Variants in LAMP3 observed in about 807,000 individuals in gnomAD.
LAMP3 encodes the protein lysosome-associated membrane glycoprotein 3.
LAMP3 carries 26 observed loss-of-function variants against 34.8 expected under a neutral mutation model. The ratio of observed to expected loss-of-function variants is 0.75; its 90% CI spans 0.55 to 1.04. LAMP3 has a LOEUF of 1.04. Ranked by LOEUF, LAMP3 falls within the 50% of genes least tolerant of loss-of-function variation. The pLI, the probability that LAMP3 is intolerant of heterozygous loss-of-function variation, is 0.00. For missense variants in LAMP3, 495 were observed against 524.0 expected (o/e 0.94, Z 0.54); for synonymous variants, 180 against 201.9 (o/e 0.89, Z 0.92).
chr3:183,160,854 T>TA (rs1720955665), intron 1 of LAMP3: 1 of 152,232 alleles, frequency 6.6e-6, no homozygotes, highest in Admixed American at 6.5e-5. Context: ...TAGCAGTACT[T>TA]ACAAAGCTGT....
chr3:183,132,305 T>C, intron 5 of LAMP3: 1 of 914,158 alleles, frequency 1.1e-6, no homozygotes, highest in Non-Finnish European at 1.3e-6. Context: ...AATAGCATAT[T>C]AAGATCATCT....
intron 3 of LAMP3, among the ~76,000 whole-genome samples, chr3:183,148,355 G>A (rs1720509740): frequency 6.6e-6 from 1 of 152,122 alleles, no homozygotes. Flanking sequence ...GCACAGCAAA[G>A]GAAACAATCA....
At chr3:183,132,955 C>T (rs548819152) in intron 5 of LAMP3, 62 of 985,204 alleles carry the variant, frequency 6.3e-5, no homozygotes, top group East Asian at 1.1e-4. Context: ...AGCATTCATC[C>T]GCTGTAATTG....
rs772804560 is a variant in LAMP3, at chr3:183,154,153, G to A, written c.288C>T (p.Thr96=). 1.2e-6 allele frequency: 2 copies of A among 1,613,932 alleles called. No individual in the cohort carries two copies. The highest frequency in any genetic ancestry group is 2.2e-5 in the East Asian group (1 of 44,866). The part of the protein sequence containing the change: ...TTPATTKNTA[T]TSPITYTLVT... The stretch of plus-strand genomic sequence containing the variant: ...CCAGGGTGTAGGTAATTGGGCTGGT[G>A]GTTGCAGTGTTTTTTGTAGTCGCTG... The change falls in exon 2 of 6, where the codon ACC becomes ACT. Residue 96 remains threonine (T), a synonymous_variant. Transcript: ENST00000265598.
At chr3:183,135,910 C>A (rs1041885582) in intron 4 of LAMP3, 23 bp from the exon 5 acceptor site, 2 of 1,588,714 alleles carry the variant, frequency 1.3e-6, no homozygotes, top group African/African-American at 2.7e-5. Context: ...CAGATAGATG[C>A]ATAAGAGTCC....
intron 5 of LAMP3, among the ~76,000 whole-genome samples, chr3:183,127,825 G>C (rs1320082595): frequency 1.3e-4 from 20 of 151,966 alleles, no homozygotes; most frequent in Admixed American, 1.3e-3. Context: ...TATCATTCCT[G>C]TAGTCTTTAA....
intron 1 of LAMP3, among the ~76,000 whole-genome samples, chr3:183,155,666 T>C (rs1720802008): frequency 6.6e-6 from 1 of 152,246 alleles, no homozygotes; most frequent in Admixed American, 6.5e-5. Flanking sequence ...CAGCCAAATA[T>C]TTTCCCTGAT....
chr3:183,125,105 G>A (rs1336787451), intron 5 of LAMP3, among the ~76,000 whole-genome samples: 5 of 152,180 alleles, frequency 3.3e-5, no homozygotes, highest in African/African-American at 4.8e-5. Context: ...TTGGGTCAGA[G>A]ACTAATAAAT....
intron 3 of LAMP3, among the ~76,000 whole-genome samples, chr3:183,144,092 T>G (rs1438814569): frequency 6.6e-6 from 1 of 152,176 alleles, no homozygotes; most frequent in Non-Finnish European, 1.5e-5. Context: ...AGGATGTGGA[T>G]TTTGTCTTCA....
At chr3:183,132,159 C>A (rs1042313689) in intron 5 of LAMP3, 6 of 985,324 alleles carry the variant, frequency 6.1e-6, no homozygotes, top group Non-Finnish European at 7.2e-6. Context: ...AACTGAAGGG[C>A]TAACATTTAT....
At chr3:183,134,593 T>C (rs1223283303) in intron 5 of LAMP3, among the ~76,000 whole-genome samples, 1 of 152,058 alleles carries the variant, frequency 6.6e-6, no homozygotes, top group Non-Finnish European at 1.5e-5. Flanking sequence ...GGATGACAAA[T>C]GGGGCCAACC....
chr3:183,153,860 G>A lies in LAMP3; in HGVS notation c.581C>T (p.Thr194Ile). The part of the protein sequence containing the change: ...KPVQPTHAPG[T>I]TAAAHNTTRT... Reference sequence around the variant, plus strand: ...GGTGGTATTGTGGGCAGCTGCCGTTGTTCCTGGGGCATGGGTGGGTTGAAC... The same window carrying A: ...GGTGGTATTGTGGGCAGCTGCCGTTATTCCTGGGGCATGGGTGGGTTGAAC... Residue 194 changes from threonine to isoleucine, a missense_variant, in exon 2 of 6, where the codon ACA (threonine) becomes ATA (isoleucine). Thr to Ile is a moderately conservative substitution (Grantham distance 89). Transcript: ENST00000265598. 6.2e-7 allele frequency: 1 copy of A among 1,612,838 alleles called. No homozygotes were observed. The highest frequency in any genetic ancestry group is 1.7e-5 in the Admixed American group (1 of 59,978).
chr3:183,125,726 A>G (rs1268998956), intron 5 of LAMP3, among the ~76,000 whole-genome samples: 1 of 152,220 alleles, frequency 6.6e-6, no homozygotes, highest in Admixed American at 6.5e-5. Context: ...TTTGGAGTAC[A>G]TGAAACTTTG....
chr3:183,135,961 T>C, intron 4 of LAMP3, 74 bp from the exon 5 acceptor site: 2 of 1,187,876 alleles, frequency 1.7e-6, no homozygotes, highest in Non-Finnish European at 2.5e-6. Flanking sequence ...CCGGGCTGCC[T>C]GTGCACAGCT....
At chr3:183,162,540 G>A in intron 1 of LAMP3, 67 bp downstream of exon 1, 2 of 1,475,274 alleles carry the variant, frequency 1.4e-6, no homozygotes, top group African/African-American at 1.4e-5. Context: ...CGGGACTCCA[G>A]AGTGCGTTTA....
chr3:183,130,307 T>C (rs1045138760), intron 5 of LAMP3, among the ~76,000 whole-genome samples: 2 of 152,018 alleles, frequency 1.3e-5, no homozygotes, highest in East Asian at 1.9e-4. Context: ...TACATGCGCC[T>C]GCCACCACGC....
chr3:183,130,401 G>A (rs918507501), intron 5 of LAMP3, among the ~76,000 whole-genome samples: 3 of 151,600 alleles, frequency 2.0e-5, no homozygotes, highest in Admixed American at 1.3e-4. Context: ...CTCATGATCC[G>A]CCCGCCTCGG....
At position 183,123,582 on chromosome 3, in the gene LAMP3, G is replaced by A. The variant is rs1439477153; in HGVS notation, c.*499C>T. 1.3e-5 allele frequency: 2 copies of A among 153,334 alleles called. No homozygotes were observed. Among genetic ancestry groups the A allele is most frequent in the African/African-American group, 4.8e-5 (2 of 41,344 alleles). 9.5% of individuals were successfully genotyped at this position (153,334 alleles called of 1,614,324 possible). A position where few individuals can be genotyped will look rare whatever the true frequency, so the allele number is the denominator to read the frequency against. Reference sequence around the variant, plus strand: ...CTCAAAAAACAAAAACAAATTTAAAGTGGAAAAGGAGTTAAGTGCTACACC... The same window carrying A: ...CTCAAAAAACAAAAACAAATTTAAAATGGAAAAGGAGTTAAGTGCTACACC... On this transcript the variant is annotated 3_prime_UTR_variant, in exon 6 of 6. Transcript: ENST00000265598.
At chr3:183,161,325 A>G (rs1412823156) in intron 1 of LAMP3, among the ~76,000 whole-genome samples, 1 of 152,144 alleles carries the variant, frequency 6.6e-6, no homozygotes, top group African/African-American at 2.4e-5. Flanking sequence ...TCAGAAAGGA[A>G]CCGGTAATGT....
Sources: allele counts gnomAD v4.1 joint callset (sites outside exome capture counted in the v4.1 genomes callset), GRCh38; gene constraint gnomAD v4.1.1; transcripts MANE v1.5; gene names NCBI Gene and HGNC (gene_info 2026-07-23, HGNC 2026-07-21).